The following ALDH6A1 variants were observed in gnomAD, a reference collection of about 807,000 sequenced individuals.
ALDH6A1 encodes the protein methylmalonate-semialdehyde/malonate-semialdehyde dehydrogenase [acylating], mitochondrial.
Under a neutral mutation model 62.6 loss-of-function variants are expected in ALDH6A1, and 43 were observed. The ratio of observed to expected loss-of-function variants is 0.69; its 90% CI spans 0.54 to 0.89. The LOEUF (loss-of-function observed/expected upper bound fraction) is 0.89. Ranked by LOEUF, ALDH6A1 falls within the 40% of genes least tolerant of loss-of-function variation. The probability of loss-of-function intolerance (pLI) is 0.00; values close to 1 mark genes in which losing one functional copy is unlikely to be tolerated. For missense variants in ALDH6A1, 551 were observed against 661.3 expected, an observed-to-expected ratio of 0.83 and a Z score of 1.83; for synonymous variants, 194 against 234.2, an observed-to-expected ratio of 0.83 and a Z score of 1.57.
chr14:74,082,393 G>GT (rs869211328), intron 1 of ALDH6A1, among the ~76,000 whole-genome samples: 7,074 of 77,564 alleles, frequency 0.091, 1,579 homozygotes, highest in East Asian at 0.44. Flanking sequence ...CAAAATCGAG[G>GT]TTTTTTTTTT....
In ALDH6A1 at chr14:74,060,012, C is replaced by G. The variant is rs914496738; in HGVS notation, c.*630G>C. On this transcript the variant is annotated 3_prime_UTR_variant, in exon 12 of 12. Coordinates refer to ENST00000553458, the MANE Select transcript of ALDH6A1 (RefSeq NM_005589.4). ...GGGATAAAAGAGGGGCTAAAGAAAA[C>G]TTTGCAGGAGGTCTCTCCCAGTGGC... 2 of 154,322 alleles carry G rather than the reference C, an allele frequency of 1.3e-5. No homozygotes were observed. The highest frequency in any genetic ancestry group is 4.8e-5 in the African/African-American group (2 of 41,458). 9.6% of individuals were successfully genotyped at this position (154,322 alleles called of 1,614,324 possible). A position where few individuals can be genotyped will look rare whatever the true frequency, so the allele number is the denominator to read the frequency against.
chr14:74,058,767 G>A lies in ALDH6A1; in HGVS notation c.*1875C>T, dbSNP rs969945517. Reference sequence around the variant, plus strand: ...ACATGAATTTCTGTTCTGACCTTAAGTTTAGATATATCAAAGAAACAAAAA... The same window carrying A: ...ACATGAATTTCTGTTCTGACCTTAAATTTAGATATATCAAAGAAACAAAAA... On this transcript the variant is annotated 3_prime_UTR_variant, in exon 12 of 12. Transcript: ENST00000553458. The A allele has an allele frequency of 6.6e-6, 1 of 152,606 alleles. No individual in the cohort carries two copies. The highest frequency in any genetic ancestry group is 1.5e-5 in the Non-Finnish European group (1 of 68,452). 9.5% of individuals were successfully genotyped at this position (152,606 alleles called of 1,614,324 possible).
rs35760969 is a variant in ALDH6A1 at position 74,059,084 on chromosome 14, C to CAAAA, written c.*1554_*1557dup. On this transcript the variant is annotated 3_prime_UTR_variant, in exon 12 of 12. Coordinates refer to ENST00000553458, the MANE Select transcript of ALDH6A1 (RefSeq NM_005589.4). ...GGGCAACAAGAGTGAAACTCCATCT[C>CAAAA]AAAAAAAAAAAAAAAAAAAAAAGCG... 8 of 49,726 alleles carry CAAAA rather than the reference C, an allele frequency of 1.6e-4. No homozygotes were observed. The highest frequency in any genetic ancestry group is 1.9e-4 in the Non-Finnish European group (5 of 26,038). 3.1% of individuals were successfully genotyped at this position (49,726 alleles called of 1,614,324 possible). A position where few individuals can be genotyped will look rare whatever the true frequency, so the allele number is the denominator to read the frequency against.
chr14:74,080,878 C>T (rs2060662248), intron 1 of ALDH6A1, among the ~76,000 whole-genome samples: 1 of 152,226 alleles, frequency 6.6e-6, no homozygotes, highest in Non-Finnish European at 1.5e-5. Context: ...GACTAATCCC[C>T]TTGATGTTGC....
chr14:74,083,719 CAAGA>C (rs2060693073), intron 1 of ALDH6A1, among the ~76,000 whole-genome samples: 1 of 152,090 alleles, frequency 6.6e-6, no homozygotes, highest in African/African-American at 2.4e-5. Flanking sequence ...AAAGTTTTGG[CAAGA>C]AAGGGGACAG....
intron 11 of ALDH6A1, among the ~76,000 whole-genome samples, chr14:74,061,151 T>C (rs570114414): frequency 4.5e-4 from 69 of 151,790 alleles, no homozygotes; most frequent in African/African-American, 1.6e-3. Context: ...CTAATTTTTG[T>C]ATTTTTAGTG....
intron 11 of ALDH6A1, among the ~76,000 whole-genome samples, chr14:74,063,190 C>CT (rs370230173): frequency 0.12 from 17,209 of 144,874 alleles, 1,089 homozygotes; most frequent in South Asian, 0.2. Flanking sequence ...AATAATTCTT[C>CT]TTTTTTTTTT....
At chr14:74,067,764 A>C (rs899838662) in intron 7 of ALDH6A1, among the ~76,000 whole-genome samples, 195 bp from the exon 8 acceptor site, 3 of 151,958 alleles carry the variant, frequency 2.0e-5, no homozygotes, top group Non-Finnish European at 4.4e-5. Flanking sequence ...TCTCTACAAA[A>C]AATACAAAAA....
chr14:74,066,514 T>A (rs1295429285), intron 9 of ALDH6A1, among the ~76,000 whole-genome samples, 191 bp downstream of exon 9: 5 of 152,130 alleles, frequency 3.3e-5, no homozygotes, highest in Non-Finnish European at 2.9e-5. Flanking sequence ...AGACTGCTGG[T>A]ATAGTGGAAA....
At chr14:74,069,850 C>CTTT (rs779619553) in intron 6 of ALDH6A1, among the ~76,000 whole-genome samples, 2,029 of 122,498 alleles carry the variant, frequency 0.017, 142 homozygotes, top group African/African-American at 0.058. Context: ...CTAATCTAAC[C>CTTT]TTTTTTTTTT....
rs539420052 is a variant in ALDH6A1 at position 74,076,919 on chromosome 14, A to C, written c.49-1902T>G. Among the ~76,000 whole-genome samples, 3 of 152,294 alleles carry C rather than the reference A, an allele frequency of 2.0e-5. No individual in the cohort carries two copies. In the South Asian group the frequency reaches 6.2e-4, roughly 32 times the overall value. On this transcript the variant is annotated intron_variant, in intron 1 of 11. Coordinates refer to ENST00000553458, the MANE Select transcript of ALDH6A1 (RefSeq NM_005589.4). ...TCAAAATGAGCAAACTAAAATACTC[A>C]GGACTGGGATATAAAGGAAAGCTGC...
chr14:74,080,875 C>CAATTA (rs1222347829), intron 1 of ALDH6A1, among the ~76,000 whole-genome samples: 1 of 152,206 alleles, frequency 6.6e-6, no homozygotes, highest in Non-Finnish European at 1.5e-5. Context: ...AAAGACTAAT[C>CAATTA]CCCTTGATGT....
rs776162614 is a variant in ALDH6A1, at chr14:74,057,702, A to G, written c.*2940T>C. ...GTTTTTAATTTATAATTTGTTATTCATAATTAGTACAATGTAGAATCTGAG... is the reference window on the plus strand; with the variant it reads ...GTTTTTAATTTATAATTTGTTATTCGTAATTAGTACAATGTAGAATCTGAG... On this transcript the variant is annotated 3_prime_UTR_variant, in exon 12 of 12. Coordinates refer to ENST00000553458, the MANE Select transcript of ALDH6A1 (RefSeq NM_005589.4). 51 of 1,256,716 alleles carry G rather than the reference A, an allele frequency of 4.1e-5. No individual in the cohort carries two copies. Among genetic ancestry groups the G allele is most frequent in the Non-Finnish European group, 5.1e-5 (50 of 981,220 alleles). The allele number at this position is 1,256,716 out of a possible 1,614,324, so 77.8% of individuals were successfully genotyped here. A position where few individuals can be genotyped will look rare whatever the true frequency, so the allele number is the denominator to read the frequency against.
chr14:74,064,548 G>A, intron 11 of ALDH6A1: 3 of 763,154 alleles, frequency 3.9e-6, no homozygotes, highest in Non-Finnish European at 6.9e-6. Flanking sequence ...GAGAGATGGG[G>A]AAGAGGGTCA....
chr14:74,071,899 G>A lies in ALDH6A1; in HGVS notation c.424C>T (p.Leu142Phe). The A allele has an allele frequency of 6.2e-7, 1 of 1,614,160 alleles. No homozygotes were observed. The change falls in exon 5 of 12, where the codon CTT (leucine) becomes TTT (phenylalanine). Residue 142 changes from leucine (L) to phenylalanine (F), a missense_variant. Physicochemically the swap from Leu to Phe is conservative, Grantham distance 22. Transcript: ENST00000553458. ...CCATAAGGGGCTCCCAGCTTACGAAGGCCTCGAAATACATCTCCTTCAGCA... is the reference window on the plus strand; with the variant it reads ...CCATAAGGGGCTCCCAGCTTACGAAAGCCTCGAAATACATCTCCTTCAGCA... ...ADAEGDVFRG[L>F]QVVEHACSVT...
intron 1 of ALDH6A1, among the ~76,000 whole-genome samples, chr14:74,083,383 C>T: frequency 6.6e-6 from 1 of 152,188 alleles, no homozygotes; most frequent in East Asian, 1.9e-4. Context: ...AGGGGAAAGA[C>T]TATAAACAGA....
At position 74,075,037 on chromosome 14, in the gene ALDH6A1, T is replaced by C; in HGVS notation, c.49-20A>G. ...AGAAACCTGTGAGGCAAAAGAACGATTATTTTGATAAATGAGAGCAGAAAG... is the reference window on the plus strand; with the variant it reads ...AGAAACCTGTGAGGCAAAAGAACGACTATTTTGATAAATGAGAGCAGAAAG... On this transcript the variant is annotated intron_variant, in intron 1 of 11. Coordinates refer to ENST00000553458, the MANE Select transcript of ALDH6A1 (RefSeq NM_005589.4). 3 of 1,612,152 alleles carry C rather than the reference T, an allele frequency of 1.9e-6. No individual in the cohort carries two copies. Among genetic ancestry groups the C allele is most frequent in the East Asian group, 2.2e-5 (1 of 44,820 alleles).
chr14:74,058,063 C>A lies in ALDH6A1; in HGVS notation c.*2579G>T. 2 of 314,284 alleles carry A rather than the reference C, an allele frequency of 6.4e-6. No homozygotes were observed. The highest frequency in any genetic ancestry group is 9.2e-6 in the Non-Finnish European group (2 of 216,312). 19.5% of individuals were successfully genotyped at this position (314,284 alleles called of 1,614,324 possible). A position where few individuals can be genotyped will look rare whatever the true frequency, so the allele number is the denominator to read the frequency against. On this transcript the variant is annotated 3_prime_UTR_variant, in exon 12 of 12. Coordinates refer to ENST00000553458, the MANE Select transcript of ALDH6A1 (RefSeq NM_005589.4). ...ACTACCAGGGCCAGGTGCGGTGGTTCACGCCTGTAATCCCAGCACTTTGGG... is the reference window on the plus strand; with the variant it reads ...ACTACCAGGGCCAGGTGCGGTGGTTAACGCCTGTAATCCCAGCACTTTGGG...
At chr14:74,079,413 AT>A (rs1445459513) in intron 1 of ALDH6A1, among the ~76,000 whole-genome samples, 3 of 146,992 alleles carry the variant, frequency 2.0e-5, no homozygotes, top group African/African-American at 5.1e-5. Context: ...CACCCGGCTA[AT>A]TTTTTTTTCT....
Sources: gnomAD v4.1 joint callset for allele counts (sites outside exome capture counted in the v4.1 genomes callset) on GRCh38, gnomAD v4.1.1 for gene constraint, MANE v1.5 for transcripts, NCBI Gene and HGNC (gene_info 2026-07-23, HGNC 2026-07-21) for gene names.